Variants in SVEP1 observed in about 807,000 individuals in gnomAD.
SVEP1 encodes sushi, von Willebrand factor type A, EGF and pentraxin domain containing 1.
A neutral mutation model predicts 367.3 loss-of-function variants in SVEP1; 164 were observed. The observed-to-expected ratio is 0.45, with a 90% CI of 0.39 to 0.51. The LOEUF is 0.51. Ranked by LOEUF, SVEP1 falls within the 20% of genes least tolerant of loss-of-function variation. The probability of loss-of-function intolerance (pLI) is 0.00; values close to 1 mark genes in which losing one functional copy is unlikely to be tolerated. For missense variants in SVEP1, 4,117 were observed against 4,425.3 expected, an observed-to-expected ratio of 0.93 and a Z score of 1.98; for synonymous variants, 1,666 against 1,611.6, an observed-to-expected ratio of 1.03 and a Z score of -0.81.
rs1830670252 is a variant in SVEP1 at position 110,579,619 on chromosome 9, C to T, written c.-76G>A. The T allele has an allele frequency of 1.5e-5, 22 of 1,434,760 alleles. No homozygotes were observed. Among genetic ancestry groups the T allele is most frequent in the Non-Finnish European group, 1.8e-5 (20 of 1,101,388 alleles). The allele number at this position is 1,434,760 out of a possible 1,614,324, so 88.9% of individuals were successfully genotyped here. A position where few individuals can be genotyped will look rare whatever the true frequency, so the allele number is the denominator to read the frequency against. ...GGAAGAGGCGCTGGGCGGCCGGACT[C>T]GCAGAGGGGCGTGCGCGGAGCTGGG... is the stretch of plus-strand genomic sequence containing the variant. On this transcript the variant is annotated 5_prime_UTR_variant, in exon 1 of 48. Coordinates refer to ENST00000374469, the MANE Select transcript of SVEP1 (RefSeq NM_153366.4). The surrounding 1 kb of genome is among the most constrained non-coding windows in gnomAD (Gnocchi z 5.3).
In SVEP1 at chr9:110,371,392, A is replaced by G. The variant is rs114075815; in HGVS notation, c.10601-1376T>C. Among the ~76,000 whole-genome samples the G allele has an allele frequency of 3.6e-3, 546 of 152,038 alleles. 5 individuals carry two copies. Among genetic ancestry groups the G allele is most frequent in the African/African-American group, 0.012 (517 of 41,440 alleles). On this transcript the variant is annotated intron_variant, in intron 46 of 47. Transcript: ENST00000374469. The stretch of plus-strand genomic sequence containing the variant: ...ATCACGTCGGTGGTCCCAGTATTCC[A>G]CTCAGGGCCACCTTTTCATGTTGCG...
intron 1 of SVEP1, among the ~76,000 whole-genome samples, chr9:110,561,851 T>C (rs1180255152): frequency 6.6e-6 from 1 of 152,180 alleles, no homozygotes. Context: ...TTTTAAGTAT[T>C]TACTTGGGCT....
At chr9:110,466,982 CCTTT>C (rs1564151104) in intron 17 of SVEP1, among the ~76,000 whole-genome samples, 1 of 152,028 alleles carries the variant, frequency 6.6e-6, no homozygotes, top group Non-Finnish European at 1.5e-5. Flanking sequence ...AGAGTACTGG[CCTTT>C]CTTTCTGCTT....
At chr9:110,562,378 A>C (rs1830443351) in intron 1 of SVEP1, among the ~76,000 whole-genome samples, 1 of 152,188 alleles carries the variant, frequency 6.6e-6, no homozygotes, top group African/African-American at 2.4e-5. Context: ...CTATCATTTC[A>C]GTTGACATGT....
chr9:110,425,372 T>A (rs960272568), intron 36 of SVEP1, among the ~76,000 whole-genome samples: 4 of 152,216 alleles, frequency 2.6e-5, no homozygotes, highest in African/African-American at 9.6e-5. Context: ...TTTATAAAAA[T>A]GGTCTCATAC....
intron 43 of SVEP1, among the ~76,000 whole-genome samples, chr9:110,384,323 TGCTTTTTCTC>T (rs1827487710): frequency 6.6e-6 from 1 of 152,064 alleles, no homozygotes; most frequent in African/African-American, 2.4e-5. Context: ...TGTACCACCT[TGCTTTTTCTC>T]GCTTTCTGTG....
intron 3 of SVEP1, among the ~76,000 whole-genome samples, chr9:110,518,965 T>C (rs931069168): frequency 4.6e-5 from 7 of 152,220 alleles, no homozygotes; most frequent in African/African-American, 1.7e-4. Context: ...ATCTTTGATC[T>C]GTCTGTAACC....
chr9:110,476,021 G>C, intron 14 of SVEP1, 183 bp downstream of exon 14: 1 of 464,574 alleles, frequency 2.2e-6, no homozygotes, highest in Non-Finnish European at 3.8e-6. Context: ...TAATTTATTT[G>C]TTACTAAAAT....
chr9:110,551,541 C>T (rs1034155545), intron 1 of SVEP1, among the ~76,000 whole-genome samples: 3 of 152,144 alleles, frequency 2.0e-5, no homozygotes, highest in African/African-American at 4.8e-5. Flanking sequence ...CAAGGAAAAT[C>T]GTACAGATGG....
intron 40 of SVEP1, 54 bp downstream of exon 40, chr9:110,400,800 C>A: frequency 6.5e-7 from 1 of 1,536,740 alleles, no homozygotes. Context: ...TGAAAGTATC[C>A]CCAAGTATAT....
At chr9:110,375,487 A>AAAAAAAAAAAAAAAAAAC in intron 45 of SVEP1, 24 bp from the exon 46 acceptor site, 1 of 1,408,902 alleles carries the variant, frequency 7.1e-7, no homozygotes, top group Non-Finnish European at 9.7e-7. Flanking sequence ...AAAAAAAAAA[A>AAAAAAAAAAAAAAAAAAC]AAAGGAGGCA....
chr9:110,435,355 G>C lies in SVEP1; in HGVS notation c.4774C>G (p.Leu1592Val). The C allele has an allele frequency of 6.2e-7, 1 of 1,613,120 alleles. No homozygotes were observed. Among genetic ancestry groups the C allele is most frequent in the East Asian group, 2.2e-5 (1 of 44,844 alleles). ...AGTTCCTCTGGGCAGGAGGTAGCCAGTGACTTCACCTGAAAGTTTAATAAC... is the reference window on the plus strand; with the variant it reads ...AGTTCCTCTGGGCAGGAGGTAGCCACTGACTTCACCTGAAAGTTTAATAAC... ...YVLSPQQVKS[L>V]ATSCPEELSK... The change falls in exon 29 of 48, where the codon CTG becomes GTG. Residue 1592 changes from leucine (L) to valine (V), a missense_variant. Leu to Val is a conservative substitution (Grantham distance 32). Coordinates refer to ENST00000374469, the MANE Select transcript of SVEP1 (RefSeq NM_153366.4).
At chr9:110,416,859 A>G (rs1828128490) in intron 36 of SVEP1, among the ~76,000 whole-genome samples, 1 of 152,036 alleles carries the variant, frequency 6.6e-6, no homozygotes, top group Non-Finnish European at 1.5e-5. Context: ...GTTGTGGAGG[A>G]CTGTTCTGTA....
intron 1 of SVEP1, among the ~76,000 whole-genome samples, chr9:110,551,821 G>A (rs1830290624): frequency 6.6e-6 from 1 of 151,810 alleles, no homozygotes; most frequent in South Asian, 2.1e-4. Flanking sequence ...AATGAGAAAT[G>A]TGAGATGTTG....
chr9:110,474,444 A>G (rs1829069280), intron 14 of SVEP1, among the ~76,000 whole-genome samples: 1 of 152,164 alleles, frequency 6.6e-6, no homozygotes, highest in Admixed American at 6.5e-5. Flanking sequence ...CTGGGAATAC[A>G]TTTGGGGAGC....
In SVEP1 at chr9:110,434,929, C is replaced by G. The variant is rs531200835; in HGVS notation, c.4888+312G>C. On this transcript the variant is annotated intron_variant, in intron 29 of 47. Coordinates refer to ENST00000374469, the MANE Select transcript of SVEP1 (RefSeq NM_153366.4). ...CAAATTATAGAACCAAAAGAGTACC[C>G]CATCTCAAACAGGTGCATAGTATGT... Among the ~76,000 whole-genome samples the G allele has an allele frequency of 4.4e-4, 67 of 151,718 alleles. 1 individual carries two copies. Among genetic ancestry groups the G allele is most frequent in the Middle Eastern group, 6.8e-3 (2 of 294 alleles).
chr9:110,493,656 T>G (rs929579711), intron 8 of SVEP1, among the ~76,000 whole-genome samples: 2 of 152,018 alleles, frequency 1.3e-5, no homozygotes, highest in Admixed American at 6.5e-5. Context: ...CGCTTGAACC[T>G]GGGAGGTGGA....
rs939568725 is a variant in SVEP1 at position 110,579,357 on chromosome 9, G to A, written c.187C>T (p.Arg63Trp). 11 of 1,554,370 alleles carry A rather than the reference G, an allele frequency of 7.1e-6. No homozygotes were observed. Among genetic ancestry groups the A allele is most frequent in the African/African-American group, 1.4e-5 (1 of 73,254 alleles). Residue 63 changes from arginine to tryptophan, a missense_variant, in exon 1 of 48, where the codon CGG (arginine) becomes TGG (tryptophan). Transcript: ENST00000374469. This position sits in a 1 kb window ranked among gnomAD's most constrained non-coding sequence, Gnocchi z 5.3. ...CGTCGCCGGAACGCCTGGCCCAGCC[G>A]CTCCACTCTGCTCCCCGCCGCTTCG... Reference protein sequence around the residue: ...GDEAAGSRVERLGQAFRRRVR... With the variant: ...GDEAAGSRVEWLGQAFRRRVR...
At chr9:110,424,697 A>G (rs545526623) in intron 36 of SVEP1, among the ~76,000 whole-genome samples, 169 of 152,258 alleles carry the variant, frequency 1.1e-3, no homozygotes, top group African/African-American at 3.8e-3. Flanking sequence ...GTTTTTAGAC[A>G]GAGTTTCGCT....
Sources: allele counts gnomAD v4.1 joint callset (sites outside exome capture counted in the v4.1 genomes callset), GRCh38; gene constraint gnomAD v4.1.1; non-coding constraint Gnocchi (gnomAD v3.1); transcripts MANE v1.5; gene names NCBI Gene and HGNC (gene_info 2026-07-23, HGNC 2026-07-21).